CNBP: variants seen among roughly 807,000 people sequenced by gnomAD.
CNBP encodes CCHC-type zinc finger nucleic acid binding protein.
In CNBP, 6 loss-of-function variants were observed where a neutral mutation model predicts 21.2. That is an observed-to-expected ratio of 0.28 (90% CI 0.16 to 0.56). The LOEUF is 0.56. Among genes scored for constraint, CNBP ranks in the 20% least tolerant of loss-of-function variants. The probability of loss-of-function intolerance (pLI) is 0.93; values close to 1 mark genes in which losing one functional copy is unlikely to be tolerated. For synonymous variants in CNBP, 61 were observed against 74.9 expected (o/e 0.81, Z 0.96); for missense variants, 112 against 233.1 (o/e 0.48, Z 3.38).
chr3:129,180,660 A>T (rs901155805), intron 1 of CNBP, among the ~76,000 whole-genome samples: 1 of 152,230 alleles, frequency 6.6e-6, no homozygotes, highest in Non-Finnish European at 1.5e-5. Context: ...GTGAGACAGT[A>T]AGGAAAGAGC....
intron 1 of CNBP, among the ~76,000 whole-genome samples, chr3:129,183,015 G>A (rs1938418239): frequency 6.6e-6 from 1 of 151,906 alleles, no homozygotes; most frequent in South Asian, 2.1e-4. Flanking sequence ...GTAGTGGCGC[G>A]ATCTCGGCTC....
chr3:129,175,377 G>A (rs1937828674), intron 1 of CNBP, among the ~76,000 whole-genome samples: 1 of 151,244 alleles, frequency 6.6e-6, no homozygotes, highest in African/African-American at 2.4e-5. Flanking sequence ...ATGCATCTCA[G>A]TGGCAAAGGC....
At chr3:129,181,938 T>C (rs1156890152) in intron 1 of CNBP, among the ~76,000 whole-genome samples, 4 of 151,992 alleles carry the variant, frequency 2.6e-5, no homozygotes, top group Non-Finnish European at 4.4e-5. Context: ...CTCAACAAAC[T>C]AAAAACAGCA....
At chr3:129,183,364 G>A (rs190031126) in intron 1 of CNBP, among the ~76,000 whole-genome samples, 1 of 152,276 alleles carries the variant, frequency 6.6e-6, no homozygotes, top group African/African-American at 2.4e-5. Flanking sequence ...CCGCAGCCGG[G>A]AGCCTTTCCC....
chr3:129,169,221 G>A lies in CNBP; in HGVS notation c.*1232C>T, dbSNP rs1406714872. ...AGGCAGGAGAATTGCTTGAACCCGGGAGGTGGAGGTTGCAGTGAGCCAAGC... is the reference window on the plus strand; with the variant it reads ...AGGCAGGAGAATTGCTTGAACCCGGAAGGTGGAGGTTGCAGTGAGCCAAGC... On this transcript the variant is annotated 3_prime_UTR_variant, in exon 5 of 5. Coordinates refer to ENST00000422453, the MANE Select transcript of CNBP (RefSeq NM_003418.5). Among the ~76,000 whole-genome samples, 7 of 152,224 alleles carry A rather than the reference G, an allele frequency of 4.6e-5. No homozygotes were observed. Among genetic ancestry groups the A allele is most frequent in the Non-Finnish European group, 1.0e-4 (7 of 68,036 alleles).
At chr3:129,176,110 G>A (rs1937890535) in intron 1 of CNBP, among the ~76,000 whole-genome samples, 1 of 152,142 alleles carries the variant, frequency 6.6e-6, no homozygotes, top group South Asian at 2.1e-4. Context: ...TTAGTTTAAA[G>A]GTCTTTACAG....
At chr3:129,172,691 GACAGACACAC>G (rs1200520768) in intron 1 of CNBP, among the ~76,000 whole-genome samples, 77 of 74,644 alleles carry the variant, frequency 1.0e-3, no homozygotes, top group South Asian at 2.8e-3. Flanking sequence ...CAGACAGACA[GACAGACACAC>G]ACACACACAC....
At chr3:129,172,958 TTATACTG>T (rs1937648959) in intron 1 of CNBP, among the ~76,000 whole-genome samples, 1 of 152,198 alleles carries the variant, frequency 6.6e-6, no homozygotes, top group African/African-American at 2.4e-5. Flanking sequence ...TAGTACCTAG[TTATACTG>T]CAGCACTTGC....
chr3:129,171,886 G>T, intron 1 of CNBP, 115 bp from the exon 2 acceptor site: 1 of 1,180,386 alleles, frequency 8.5e-7, no homozygotes, highest in Non-Finnish European at 1.2e-6. Context: ...CTAATATATT[G>T]GTTAAAAAAA....
intron 1 of CNBP, among the ~76,000 whole-genome samples, chr3:129,179,025 C>G (rs890774560): frequency 2.0e-5 from 3 of 152,032 alleles, no homozygotes; most frequent in African/African-American, 7.3e-5. Context: ...CACCTGTAAT[C>G]CCAGCACTTT....
At chr3:129,178,158 C>A (rs79666693) in intron 1 of CNBP, among the ~76,000 whole-genome samples, 424 of 103,688 alleles carry the variant, frequency 4.1e-3, no homozygotes, top group African/African-American at 6.2e-3. Context: ...GACTCTGTCT[C>A]AAAAAAAAAA....
intron 1 of CNBP, among the ~76,000 whole-genome samples, chr3:129,179,977 G>A (rs1043069494): frequency 2.6e-5 from 4 of 151,954 alleles, no homozygotes; most frequent in Non-Finnish European, 5.9e-5. Context: ...TTGCACTCCC[G>A]CCTGGGCGAC....
At chr3:129,178,504 A>C (rs1938074691) in intron 1 of CNBP, among the ~76,000 whole-genome samples, 1 of 152,222 alleles carries the variant, frequency 6.6e-6, no homozygotes, top group Admixed American at 6.5e-5. Flanking sequence ...ACACTAGCAA[A>C]GTAGGGTATG....
Position 129,171,147 on chromosome 3 carries a change from C to T in CNBP, c.348G>A (p.Glu116=). The T allele has an allele frequency of 6.2e-7, 1 of 1,614,234 alleles. No homozygotes were observed. Among genetic ancestry groups the T allele is most frequent in the Non-Finnish European group, 8.5e-7 (1 of 1,180,056 alleles). The part of the protein sequence containing the change: ...HLARDCDHAD[E]QKCYSCGEFG... ...ATTCTCCACAAGAATAGCATTTCTG[C>T]TCATCTGCATGGTCGCAGTCACGAG... Residue 116 remains glutamate, a synonymous_variant, in exon 4 of 5, where the codon GAG becomes GAA. Transcript: ENST00000422453.
chr3:129,173,703 C>T (rs544870752), intron 1 of CNBP, among the ~76,000 whole-genome samples: 43 of 152,254 alleles, frequency 2.8e-4, no homozygotes, highest in Non-Finnish European at 5.0e-4. Flanking sequence ...AACAATGCAA[C>T]TACATTTTCA....
chr3:129,183,364 G>T (rs190031126), intron 1 of CNBP, among the ~76,000 whole-genome samples: 1 of 152,158 alleles, frequency 6.6e-6, no homozygotes, highest in Non-Finnish European at 1.5e-5. Context: ...CCGCAGCCGG[G>T]AGCCTTTCCC....
intron 2 of CNBP, 30 bp downstream of exon 2, chr3:129,171,604 T>C (rs1238013066): frequency 6.2e-7 from 1 of 1,613,984 alleles, no homozygotes; most frequent in African/African-American, 1.3e-5. Context: ...AATACTGAAG[T>C]ACTTCAAATT....
chr3:129,171,043 A>T (rs759081141), intron 4 of CNBP, 36 bp downstream of exon 4: 1 of 1,576,500 alleles, frequency 6.3e-7, no homozygotes, highest in Non-Finnish European at 8.6e-7. Flanking sequence ...GAATCTCTGC[A>T]ATGAGTTTTC....
At chr3:129,181,348 C>T (rs939468909) in intron 1 of CNBP, among the ~76,000 whole-genome samples, 1 of 149,916 alleles carries the variant, frequency 6.7e-6, no homozygotes, top group Non-Finnish European at 1.5e-5. Context: ...TCCAGATGTT[C>T]AAATGCCAGT....
Sources: allele counts gnomAD v4.1 joint callset (sites outside exome capture counted in the v4.1 genomes callset), GRCh38; gene constraint gnomAD v4.1.1; transcripts MANE v1.5; gene names NCBI Gene and HGNC (gene_info 2026-07-23, HGNC 2026-07-21).